The following C1QTNF5 variants were observed in gnomAD, a reference collection of about 807,000 sequenced individuals.
C1QTNF5 encodes complement C1q tumor necrosis factor-related protein 5.
Under a neutral mutation model 10.9 loss-of-function variants are expected in C1QTNF5, and 5 were observed. The observed-to-expected ratio is 0.46, with a 90% CI of 0.24 to 0.97. The LOEUF (loss-of-function observed/expected upper bound fraction) is 0.97, where lower values mean the gene tolerates loss of function less well. Ranked by LOEUF, C1QTNF5 falls within the 50% of genes least tolerant of loss-of-function variation. The pLI is 0.19. For missense variants in C1QTNF5, 281 were observed against 339.4 expected (o/e 0.83, Z 1.35); for synonymous variants, 161 against 156.5 (o/e 1.03, Z -0.22).
chr11:119,344,034 CT>C, upstream of C1QTNF5: 1 of 1,594,748 alleles, frequency 6.3e-7, no homozygotes, highest in Non-Finnish European at 8.5e-7. Flanking sequence ...CCAGAAGGGT[CT>C]TCTTCCCCCA....
chr11:119,346,611 C>T, the C1QTNF5 span: 64 of 1,245,440 alleles, frequency 5.1e-5, no homozygotes, highest in Non-Finnish European at 6.8e-5. Flanking sequence ...GAGGGGCAGC[C>T]TCTACTACCC....
At chr11:119,341,867 C>T (rs1244229995), upstream of C1QTNF5, 1 of 1,613,918 alleles carries the variant, frequency 6.2e-7, no homozygotes, top group East Asian at 2.2e-5. Context: ...CTTGTAACCG[C>T]TGAGGACCTC....
rs779390261 is a variant in C1QTNF5, at chr11:119,339,709, C to G, written c.354G>C (p.Pro118=). ...AKRSESRVPP[P]SDAPLPFDRV... The stretch of plus-strand genomic sequence containing the variant: ...GGTCGAAGGGCAAGGGTGCGTCAGA[C>G]GGCGGAGGCACCCGGCTCTCGGAGC... Residue 118 remains proline, a synonymous_variant, in exon 3 of 3, where the codon CCG becomes CCC. Coordinates refer to ENST00000528368, the MANE Select transcript of C1QTNF5 (RefSeq NM_001278431.2). The surrounding 1 kb of genome is among the most constrained non-coding windows in gnomAD (Gnocchi z 5.4). The G allele has an allele frequency of 1.0e-5, 16 of 1,604,260 alleles. No individual in the cohort carries two copies. Among genetic ancestry groups the G allele is most frequent in the Non-Finnish European group, 2.5e-6 (3 of 1,178,758 alleles).
upstream of C1QTNF5, chr11:119,341,510 G>A (rs1950502103): frequency 6.4e-7 from 1 of 1,563,304 alleles, no homozygotes; most frequent in Non-Finnish European, 8.8e-7. Context: ...ACCGGCAAAA[G>A]AGGACGGGCA....
upstream of C1QTNF5, chr11:119,345,122 A>C: frequency 7.4e-7 from 1 of 1,354,118 alleles, no homozygotes; most frequent in Admixed American, 2.1e-5. Flanking sequence ...CCATGTGGTC[A>C]AAAAGGCTCC....
chr11:119,345,837 G>C (rs758083985), upstream of C1QTNF5: 2 of 1,613,990 alleles, frequency 1.2e-6, no homozygotes, highest in Admixed American at 3.3e-5. Flanking sequence ...CTGCCTGAGA[G>C]GTGGTGATGG....
At chr11:119,341,587 C>A, upstream of C1QTNF5, 3 of 1,612,908 alleles carry the variant, frequency 1.9e-6, no homozygotes, top group South Asian at 2.2e-5. Context: ...CTGCCTCTGG[C>A]AGCCTGTTGC....
In C1QTNF5 at chr11:119,339,310, G is replaced by A; in HGVS notation, c.*21C>T. On this transcript the variant is annotated 3_prime_UTR_variant, in exon 3 of 3. Transcript: ENST00000528368. The surrounding 1 kb of genome is among the most constrained non-coding windows in gnomAD (Gnocchi z 5.4). ...ACCCTCCTTCTAGGAGTGAGAGCATGAGCTCACTTTGCAGTGGGCACTAAG... is the reference window on the plus strand; with the variant it reads ...ACCCTCCTTCTAGGAGTGAGAGCATAAGCTCACTTTGCAGTGGGCACTAAG... The A allele has an allele frequency of 1.2e-6, 2 of 1,609,318 alleles. No individual in the cohort carries two copies. Among genetic ancestry groups the A allele is most frequent in the South Asian group, 1.1e-5 (1 of 90,508 alleles).
chr11:119,344,496 A>G, upstream of C1QTNF5: 2 of 1,571,736 alleles, frequency 1.3e-6, no homozygotes, highest in Non-Finnish European at 8.7e-7. Context: ...CCCATGGGAA[A>G]CAAGTTCTGG....
chr11:119,346,471 C>T, the C1QTNF5 span: 1 of 1,614,008 alleles, frequency 6.2e-7, no homozygotes, highest in African/African-American at 1.3e-5. Context: ...TTGCTCGATT[C>T]TGTTGCCTCC....
upstream of C1QTNF5, chr11:119,345,935 G>C: frequency 6.2e-7 from 1 of 1,613,790 alleles, no homozygotes; most frequent in Non-Finnish European, 8.5e-7. Flanking sequence ...AGCTCTGGAG[G>C]CGAGAAGATG....
upstream of C1QTNF5, chr11:119,345,609 G>T (rs200291895): frequency 1.5e-5 from 24 of 1,613,624 alleles, no homozygotes; most frequent in Non-Finnish European, 8.5e-7. Flanking sequence ...GAAGCCCCTT[G>T]GGCCAGAGAG....
upstream of C1QTNF5, chr11:119,345,329 C>G: frequency 7.5e-7 from 1 of 1,337,194 alleles, no homozygotes; most frequent in South Asian, 1.2e-5. Flanking sequence ...ATTTCTTCCT[C>G]GGTTAGCCCT....
At chr11:119,342,016 G>T, upstream of C1QTNF5, 1 of 1,612,234 alleles carries the variant, frequency 6.2e-7, no homozygotes, top group East Asian at 2.2e-5. Context: ...CCACTGTGGG[G>T]ACTGCTCACT....
upstream of C1QTNF5, among the ~76,000 whole-genome samples, chr11:119,342,274 A>G (rs933459017): frequency 3.3e-5 from 5 of 152,016 alleles, no homozygotes; most frequent in Non-Finnish European, 5.9e-5. Context: ...TCTGGAAGAA[A>G]CCCCCTGCTC....
intron 1 of C1QTNF5, 26 bp from the exon 2 acceptor site, chr11:119,340,466 G>A (rs952373600): frequency 6.1e-6 from 9 of 1,481,222 alleles, no homozygotes; most frequent in East Asian, 5.0e-5. Flanking sequence ...GACTGGAGTC[G>A]GGACCCAGAA....
chr11:119,340,289 T>C lies in C1QTNF5; in HGVS notation c.109A>G (p.Thr37Ala). 6.5e-7 allele frequency: 1 copy of C among 1,532,094 alleles called. No individual in the cohort carries two copies. The highest frequency in any genetic ancestry group is 8.8e-7 in the Non-Finnish European group (1 of 1,141,040). The allele number at this position is 1,532,094 out of a possible 1,614,324, so 94.9% of individuals were successfully genotyped here. The change falls in exon 2 of 3, where the codon ACG (threonine) becomes GCG (alanine). Residue 37 changes from threonine to alanine, a missense_variant. Physicochemically the swap from Thr to Ala is moderately conservative, Grantham distance 58. Transcript: ENST00000528368. The part of the protein sequence containing the change: ...LCPGHPGLPG[T>A]PGHHGSQGLP... Reference sequence around the variant, plus strand: ...CCCTGGCTGCCATGGTGGCCCGGCGTGCCTGGAAGGCCGGGGTGCCCCGGG... The same window carrying C: ...CCCTGGCTGCCATGGTGGCCCGGCGCGCCTGGAAGGCCGGGGTGCCCCGGG...
At chr11:119,345,664 C>G (rs1257422486), upstream of C1QTNF5, 1 of 1,612,682 alleles carries the variant, frequency 6.2e-7, no homozygotes, top group East Asian at 2.2e-5. Context: ...GTTCAGAGGT[C>G]AAAAGGAGTG....
chr11:119,340,787 GC>G lies in C1QTNF5; in HGVS notation c.-137del. ...GCTCCAGCCCCCGCGCTTCTCCCCG[GC>G]CAGGCGCCCCCTGCCCTGCCGTCAC... On this transcript the variant is annotated 5_prime_UTR_variant, in exon 1 of 3. Coordinates refer to ENST00000528368, the MANE Select transcript of C1QTNF5 (RefSeq NM_001278431.2). The G allele has an allele frequency of 3.8e-6, 1 of 260,966 alleles. No individual in the cohort carries two copies. Among genetic ancestry groups the G allele is most frequent in the South Asian group, 4.6e-5 (1 of 21,940 alleles). The allele number at this position is 260,966 out of a possible 1,614,324, so 16.2% of individuals were successfully genotyped here. A position where few individuals can be genotyped will look rare whatever the true frequency, so the allele number is the denominator to read the frequency against.
Sources: gnomAD v4.1 joint callset for allele counts (sites outside exome capture counted in the v4.1 genomes callset) on GRCh38, gnomAD v4.1.1 for gene constraint, Gnocchi (gnomAD v3.1) non-coding constraint, MANE v1.5 for transcripts, NCBI Gene and HGNC (gene_info 2026-07-23, HGNC 2026-07-21) for gene names.